The following LRRC7 variants were observed in gnomAD, a reference collection of about 807,000 sequenced individuals.
LRRC7 encodes the protein leucine-rich repeat-containing protein 7.
LRRC7 carries 23 observed loss-of-function variants against 175.7 expected under a neutral mutation model. The observed-to-expected ratio is 0.13, with a 90% CI of 0.09 to 0.19. The LOEUF (loss-of-function observed/expected upper bound fraction) is 0.19, where lower values mean the gene tolerates loss of function less well. Ranked by LOEUF, LRRC7 falls within the 10% of genes least tolerant of loss-of-function variation. The pLI, the probability that LRRC7 is intolerant of heterozygous loss-of-function variation, is 1.00. For synonymous variants in LRRC7, 685 were observed against 680.9 expected (o/e 1.01, Z -0.09); for missense variants, 1,354 against 1,904.7 (o/e 0.71, Z 5.38).
chr1:69,803,129 T>C (rs1676717237), intron 4 of LRRC7, among the ~76,000 whole-genome samples: 1 of 151,464 alleles, frequency 6.6e-6, no homozygotes, highest in Admixed American at 6.6e-5. Context: ...TGCCGATTCC[T>C]GTGCTATTAC....
intron 7 of LRRC7, among the ~76,000 whole-genome samples, chr1:69,875,865 A>G (rs891841544): frequency 2.0e-5 from 3 of 152,130 alleles, no homozygotes; most frequent in African/African-American, 7.2e-5. Flanking sequence ...AATTTGGCTA[A>G]ACATATTCAG....
intron 1 of LRRC7, among the ~76,000 whole-genome samples, chr1:69,647,355 C>A (rs571468933): frequency 6.6e-6 from 1 of 152,042 alleles, no homozygotes; most frequent in East Asian, 1.9e-4. Flanking sequence ...AATTAAAGTG[C>A]CTTTATTTTG....
chr1:69,654,563 T>C (rs998447120), intron 1 of LRRC7, among the ~76,000 whole-genome samples: 1 of 152,110 alleles, frequency 6.6e-6, no homozygotes, highest in Non-Finnish European at 1.5e-5. Context: ...GACTTTAAGA[T>C]GCCTCTATAT....
intron 1 of LRRC7, among the ~76,000 whole-genome samples, chr1:69,668,227 C>T (rs1002839793): frequency 4.6e-5 from 7 of 152,034 alleles, no homozygotes; most frequent in Non-Finnish European, 8.8e-5. Context: ...ATATGTGCCA[C>T]GGTGGTTTGC....
At chr1:69,607,114 T>G (rs551895508) in intron 1 of LRRC7, 1 of 152,238 alleles carries the variant, frequency 6.6e-6, no homozygotes, top group African/African-American at 2.4e-5. Flanking sequence ...TTTTTGTTGG[T>G]TTGGAATATT....
chr1:69,722,551 C>T (rs532968072), intron 2 of LRRC7, among the ~76,000 whole-genome samples: 1 of 152,114 alleles, frequency 6.6e-6, no homozygotes, highest in East Asian at 1.9e-4. Context: ...GGATAATTCA[C>T]TCAAAAGCTG....
intron 7 of LRRC7, among the ~76,000 whole-genome samples, chr1:69,851,016 T>G (rs1034461186): frequency 1.3e-5 from 2 of 152,038 alleles, no homozygotes; most frequent in Non-Finnish European, 2.9e-5. Context: ...CTATAAAAGA[T>G]TATGAGAGTG....
At chr1:69,739,776 A>T (rs965728010) in intron 2 of LRRC7, among the ~76,000 whole-genome samples, 1 of 152,092 alleles carries the variant, frequency 6.6e-6, no homozygotes, top group African/African-American at 2.4e-5. Flanking sequence ...TTTTGCCAAA[A>T]ACAAGTTTAA....
intron 7 of LRRC7, among the ~76,000 whole-genome samples, chr1:69,888,452 G>T (rs1173292467): frequency 1.3e-5 from 2 of 152,140 alleles, no homozygotes; most frequent in Non-Finnish European, 2.9e-5. Flanking sequence ...CCCAAGTGAG[G>T]CAATGCCTCG....
At chr1:70,018,484 T>C (rs965056678) in intron 14 of LRRC7, among the ~76,000 whole-genome samples, 1 of 152,072 alleles carries the variant, frequency 6.6e-6, no homozygotes, top group Non-Finnish European at 1.5e-5. Context: ...CCCAGTTGAA[T>C]AGGTTTTGAT....
At chr1:69,801,428 CCT>C (rs1393169837) in intron 4 of LRRC7, among the ~76,000 whole-genome samples, 8 of 151,600 alleles carry the variant, frequency 5.3e-5, no homozygotes, top group Non-Finnish European at 1.0e-4. Context: ...TCTATGTATT[CCT>C]GGTTCAATAT....
intron 6 of LRRC7, among the ~76,000 whole-genome samples, chr1:69,837,237 T>A (rs142289693): frequency 6.6e-6 from 1 of 151,978 alleles, no homozygotes; most frequent in Non-Finnish European, 1.5e-5. Context: ...GATTTTTACA[T>A]GCATAACATT....
At chr1:69,593,542 C>T (rs1430423453) in intron 1 of LRRC7, among the ~76,000 whole-genome samples, 3 of 152,108 alleles carry the variant, frequency 2.0e-5, no homozygotes, top group African/African-American at 7.2e-5. Context: ...TAAGTATTCT[C>T]ATATGATTCT....
chr1:69,973,689 G>A (rs1002284439), intron 8 of LRRC7, among the ~76,000 whole-genome samples: 9 of 152,106 alleles, frequency 5.9e-5, no homozygotes, highest in Non-Finnish European at 8.8e-5. Context: ...AGGTTCAAGC[G>A]ATCCTCCTGC....
At chr1:69,804,909 A>T in intron 4 of LRRC7, among the ~76,000 whole-genome samples, 1 of 151,774 alleles carries the variant, frequency 6.6e-6, no homozygotes, top group East Asian at 1.9e-4. Context: ...ATAAGATTTA[A>T]TTAGGCAGTG....
chr1:70,027,383 A>T (rs2101992687), intron 17 of LRRC7, among the ~76,000 whole-genome samples: 1 of 152,278 alleles, frequency 6.6e-6, no homozygotes, highest in Non-Finnish European at 1.5e-5. Context: ...AGTCATTAAC[A>T]TGTGTTCCCA....
Position 70,142,752 on chromosome 1 carries a change from A to G in LRRC7, c.*20865A>G, listed in dbSNP as rs1038093616. On this transcript the variant is annotated 3_prime_UTR_variant, in exon 27 of 27. Transcript: ENST00000651989. ...CAAGGGCTCCCCCAACCAGCTATAT[A>G]TAAGAAAACCATAACATGAACTAGG... The G allele has an allele frequency of 3.9e-5, 6 of 152,140 alleles. No homozygotes were observed. The highest frequency in any genetic ancestry group is 1.2e-4 in the African/African-American group (5 of 41,454). The allele number at this position is 152,140 out of a possible 1,614,324, so 9.4% of individuals were successfully genotyped here.
chr1:69,567,986 G>A lies in LRRC7; in HGVS notation c.-654G>A, dbSNP rs1383512446. Reference sequence around the variant, plus strand: ...GAGGACCCTACTCCGGGTGAACACCGGGCTTGAAGCCACGGACACCCAGCC... The same window carrying A: ...GAGGACCCTACTCCGGGTGAACACCAGGCTTGAAGCCACGGACACCCAGCC... On this transcript the variant is annotated 5_prime_UTR_variant, in exon 1 of 27. Coordinates refer to ENST00000651989, the MANE Select transcript of LRRC7 (RefSeq NM_001370785.2). Among the ~76,000 whole-genome samples the A allele has an allele frequency of 6.6e-6, 1 of 152,082 alleles. No individual in the cohort carries two copies. The highest frequency in any genetic ancestry group is 2.4e-5 in the African/African-American group (1 of 41,438).
At chr1:69,682,522 G>T (rs1189222448) in intron 2 of LRRC7, among the ~76,000 whole-genome samples, 1 of 152,034 alleles carries the variant, frequency 6.6e-6, no homozygotes, top group Non-Finnish European at 1.5e-5. Flanking sequence ...TTGTCCTTTT[G>T]AAAACTGCAA....
Sources: allele counts gnomAD v4.1 joint callset (sites outside exome capture counted in the v4.1 genomes callset), GRCh38; gene constraint gnomAD v4.1.1; transcripts MANE v1.5; gene names NCBI Gene and HGNC (gene_info 2026-07-23, HGNC 2026-07-21).